Variants in MEOX2 observed in about 807,000 individuals in gnomAD.
The protein encoded by MEOX2 is homeobox protein MOX-2.
In MEOX2, 11 loss-of-function variants were observed where a neutral mutation model predicts 27.0. That is an observed-to-expected ratio of 0.41 (90% CI 0.26 to 0.68). MEOX2 has a LOEUF of 0.68. Among genes scored for constraint, MEOX2 ranks in the 30% least tolerant of loss-of-function variants. The pLI is 0.33. For missense variants in MEOX2, 436 were observed against 385.4 expected (o/e 1.13, Z -1.10); for synonymous variants, 189 against 155.4 (o/e 1.22, Z -1.61).
chr7:15,619,479 G>C (rs968179275), intron 2 of MEOX2, among the ~76,000 whole-genome samples: 13 of 152,012 alleles, frequency 8.6e-5, no homozygotes, highest in Non-Finnish European at 1.5e-4. Flanking sequence ...AGACTCCTGG[G>C]AAGAATTATC....
chr7:15,672,216 A>G (rs1026650504), intron 1 of MEOX2, among the ~76,000 whole-genome samples: 2 of 152,222 alleles, frequency 1.3e-5, no homozygotes, highest in African/African-American at 4.8e-5. Flanking sequence ...AGATTGCTTG[A>G]TATTCCTTAT....
chr7:15,672,706 A>C (rs369536210), intron 1 of MEOX2, among the ~76,000 whole-genome samples: 71 of 151,910 alleles, frequency 4.7e-4, no homozygotes, highest in Admixed American at 8.5e-4. Context: ...TCCTGGCTAA[A>C]ATGGTGAAAC....
chr7:15,627,808 A>AACAC (rs71549949), intron 1 of MEOX2, among the ~76,000 whole-genome samples: 5 of 147,290 alleles, frequency 3.4e-5, no homozygotes, highest in African/African-American at 5.1e-5. Flanking sequence ...ATCAATAGTA[A>AACAC]ACACACACAC....
chr7:15,650,574 T>A (rs1781718744), intron 1 of MEOX2, among the ~76,000 whole-genome samples: 1 of 152,072 alleles, frequency 6.6e-6, no homozygotes, highest in Non-Finnish European at 1.5e-5. Context: ...TTATAAATGT[T>A]TACTGAATGC....
chr7:15,624,291 T>C (rs562316715), intron 2 of MEOX2, among the ~76,000 whole-genome samples: 3 of 152,336 alleles, frequency 2.0e-5, no homozygotes, highest in African/African-American at 7.2e-5. Flanking sequence ...TAGAGATTTA[T>C]GGAATAAAAA....
intron 1 of MEOX2, among the ~76,000 whole-genome samples, chr7:15,660,599 G>C (rs1424036180): frequency 6.6e-6 from 1 of 152,086 alleles, no homozygotes; most frequent in African/African-American, 2.4e-5. Flanking sequence ...TGTCTCTAGA[G>C]ATTACCAAAC....
At chr7:15,643,222 CT>C (rs1781590946) in intron 1 of MEOX2, among the ~76,000 whole-genome samples, 1 of 152,126 alleles carries the variant, frequency 6.6e-6, no homozygotes, top group Non-Finnish European at 1.5e-5. Context: ...GGGATTTTTG[CT>C]TGGCCTTTGT....
At chr7:15,639,852 G>C (rs551817633) in intron 1 of MEOX2, among the ~76,000 whole-genome samples, 1 of 151,948 alleles carries the variant, frequency 6.6e-6, no homozygotes, top group Non-Finnish European at 1.5e-5. Flanking sequence ...AAACTGTTTT[G>C]GTTACTAAAG....
intron 1 of MEOX2, among the ~76,000 whole-genome samples, chr7:15,637,311 A>G (rs958371386): frequency 2.6e-5 from 4 of 152,062 alleles, no homozygotes; most frequent in African/African-American, 9.7e-5. Flanking sequence ...CAGGCACTCA[A>G]AACTCACATA....
chr7:15,621,977 G>A, intron 2 of MEOX2, among the ~76,000 whole-genome samples: 1 of 152,032 alleles, frequency 6.6e-6, no homozygotes, highest in East Asian at 1.9e-4. Context: ...AATTAGCCGG[G>A]CATGGTAGCA....
chr7:15,677,218 A>G (rs1417922814), intron 1 of MEOX2, among the ~76,000 whole-genome samples: 1 of 152,240 alleles, frequency 6.6e-6, no homozygotes, highest in Non-Finnish European at 1.5e-5. Context: ...GATGGTGCAT[A>G]TGCATTACAT....
chr7:15,651,345 T>A (rs967643988), intron 1 of MEOX2, among the ~76,000 whole-genome samples: 29 of 152,008 alleles, frequency 1.9e-4, no homozygotes, highest in African/African-American at 6.8e-4. Context: ...TAAAAAATAA[T>A]CAGTTAACTC....
chr7:15,673,167 A>G (rs922437392), intron 1 of MEOX2, among the ~76,000 whole-genome samples: 4 of 152,222 alleles, frequency 2.6e-5, no homozygotes, highest in African/African-American at 9.6e-5. Flanking sequence ...ACACACTAAA[A>G]GAAAAAGAAA....
At chr7:15,649,398 T>A (rs1262170212) in intron 1 of MEOX2, among the ~76,000 whole-genome samples, 1 of 152,022 alleles carries the variant, frequency 6.6e-6, no homozygotes, top group Non-Finnish European at 1.5e-5. Flanking sequence ...GAACATACTT[T>A]GTACTAGAAA....
At chr7:15,679,166 G>A (rs1197095884) in intron 1 of MEOX2, 1 of 152,048 alleles carries the variant, frequency 6.6e-6, no homozygotes, top group African/African-American at 2.4e-5. Context: ...TAAATTTGGA[G>A]TTACAGTAAT....
chr7:15,650,658 T>C (rs994677566), intron 1 of MEOX2, among the ~76,000 whole-genome samples: 1 of 152,060 alleles, frequency 6.6e-6, no homozygotes, highest in South Asian at 2.1e-4. Context: ...GATCATATCA[T>C]TGTATACAGG....
rs779787403 is a variant in MEOX2 at position 15,612,440 on chromosome 7, C to T, written c.862G>A (p.Ala288Thr). The T allele has an allele frequency of 1.4e-5, 23 of 1,614,052 alleles. No individual in the cohort carries two copies. In the East Asian group the frequency reaches 4.7e-4, roughly 33 times the overall value. The change falls in exon 3 of 3, where the codon GCA (alanine) becomes ACA (threonine). Residue 288 changes from alanine to threonine, a missense_variant. Transcript: ENST00000262041. ...ATLQQTGDSI[A>T]NEDSHDSDHS... Reference sequence around the variant, plus strand: ...TCACTGTCGTGACTGTCTTCATTTGCTATAGAGTCCCCTGTTTGCTGGAGG... The same window carrying T: ...TCACTGTCGTGACTGTCTTCATTTGTTATAGAGTCCCCTGTTTGCTGGAGG...
rs1297937131 is a variant in MEOX2 at position 15,685,769 on chromosome 7, G to A, written c.517+117C>T. On this transcript the variant is annotated intron_variant, in intron 1 of 2. Coordinates refer to ENST00000262041, the MANE Select transcript of MEOX2 (RefSeq NM_005924.5). ...AATTTGGCCGCAGGAAGCCACAGAGGGCAACACATTCCCATCTTCCCTGCT... is the reference window on the plus strand; with the variant it reads ...AATTTGGCCGCAGGAAGCCACAGAGAGCAACACATTCCCATCTTCCCTGCT... The A allele has an allele frequency of 5.0e-6, 7 of 1,389,590 alleles. No homozygotes were observed. The East Asian group carries it at 9.2e-5, about 18-fold the overall frequency. 86.1% of individuals were successfully genotyped at this position (1,389,590 alleles called of 1,614,324 possible).
intron 1 of MEOX2, among the ~76,000 whole-genome samples, chr7:15,664,005 T>C (rs1024075773): frequency 6.6e-6 from 1 of 152,148 alleles, no homozygotes; most frequent in Non-Finnish European, 1.5e-5. Flanking sequence ...AGAAAGAAAA[T>C]TTTGAGTTCA....
Sources: gnomAD v4.1 joint callset for allele counts (sites outside exome capture counted in the v4.1 genomes callset) on GRCh38, gnomAD v4.1.1 for gene constraint, MANE v1.5 for transcripts, NCBI Gene and HGNC (gene_info 2026-07-23, HGNC 2026-07-21) for gene names.